LRRC7: variants seen among roughly 807,000 people sequenced by gnomAD.
LRRC7 encodes leucine-rich repeat-containing protein 7.
LRRC7 carries 23 observed loss-of-function variants against 175.7 expected under a neutral mutation model. The observed-to-expected ratio is 0.13, with a 90% CI of 0.09 to 0.19. The LOEUF (loss-of-function observed/expected upper bound fraction) is 0.19. Among genes scored for constraint, LRRC7 ranks in the 10% least tolerant of loss-of-function variants. The pLI is 1.00. For missense variants in LRRC7, 1,354 were observed against 1,904.7 expected, an observed-to-expected ratio of 0.71 and a Z score of 5.38; for synonymous variants, 685 against 680.9, an observed-to-expected ratio of 1.01 and a Z score of -0.09.
intron 24 of LRRC7, among the ~76,000 whole-genome samples, chr1:70,081,275 T>A (rs1273041760): frequency 6.6e-6 from 1 of 152,232 alleles, no homozygotes; most frequent in Non-Finnish European, 1.5e-5. Context: ...TGTTGGATAT[T>A]TTTAAAAGAA....
intron 4 of LRRC7, among the ~76,000 whole-genome samples, chr1:69,815,214 C>T: frequency 6.6e-6 from 1 of 152,076 alleles, no homozygotes; most frequent in East Asian, 1.9e-4. Flanking sequence ...GGTTACATTT[C>T]TTCCTTAATA....
chr1:70,003,126 T>G (rs1296727246), intron 11 of LRRC7, among the ~76,000 whole-genome samples: 1 of 152,158 alleles, frequency 6.6e-6, no homozygotes, highest in Non-Finnish European at 1.5e-5. Context: ...ACCACCATGT[T>G]GCTGTGAGTT....
At chr1:70,039,958 T>C (rs1211943215) in intron 21 of LRRC7, among the ~76,000 whole-genome samples, 165 bp downstream of exon 21, 1 of 152,230 alleles carries the variant, frequency 6.6e-6, no homozygotes, top group Non-Finnish European at 1.5e-5. Flanking sequence ...TAGTTTTTCA[T>C]GGATGTGGCT....
chr1:70,094,283 A>G (rs139479365), intron 25 of LRRC7, among the ~76,000 whole-genome samples: 141 of 152,292 alleles, frequency 9.3e-4, no homozygotes, highest in African/African-American at 3.3e-3. Flanking sequence ...TGTGGAGAAT[A>G]GTCATAAGTG....
At position 69,569,584 on chromosome 1, in the gene LRRC7, T is replaced by C. The variant is rs560548855; in HGVS notation, c.2+943T>C. 7.3e-3 allele frequency among the ~76,000 whole-genome samples: 1,077 copies of C among 147,702 alleles called. 12 individuals carry two copies. Among genetic ancestry groups the C allele is most frequent in the African/African-American group, 0.026 (1,035 of 39,994 alleles). On this transcript the variant is annotated intron_variant, in intron 1 of 26. Transcript: ENST00000651989. ...ATCTTACTGTTTGCAGAGTCAAGAA[T>C]GGGGGCGGGGGTTGGGGGACTGTAT...
intron 1 of LRRC7, among the ~76,000 whole-genome samples, chr1:69,656,170 G>A (rs1051855034): frequency 6.6e-6 from 1 of 151,892 alleles, no homozygotes; most frequent in Non-Finnish European, 1.5e-5. Flanking sequence ...AAAATAGTAA[G>A]AATTTTAAGC....
intron 4 of LRRC7, among the ~76,000 whole-genome samples, chr1:69,811,696 C>T (rs530799762): frequency 6.6e-6 from 1 of 152,074 alleles, no homozygotes; most frequent in African/African-American, 2.4e-5. Context: ...CGCATATTCT[C>T]ACTCATAAGT....
chr1:69,987,752 G>A (rs966423981), intron 10 of LRRC7, among the ~76,000 whole-genome samples: 35 of 152,128 alleles, frequency 2.3e-4, no homozygotes, highest in African/African-American at 7.5e-4. Flanking sequence ...ATTCTTTGAG[G>A]CTGATAAAGA....
intron 1 of LRRC7, among the ~76,000 whole-genome samples, chr1:69,661,239 A>G (rs1428528340): frequency 6.6e-6 from 1 of 152,160 alleles, no homozygotes; most frequent in Non-Finnish European, 1.5e-5. Context: ...TCAAGCTGCT[A>G]GTATATTCAC....
Position 70,124,853 on chromosome 1 carries a change from T to C in LRRC7, c.*2966T>C, listed in dbSNP as rs1464114888. Among the ~76,000 whole-genome samples the C allele has an allele frequency of 6.6e-6, 1 of 152,190 alleles. No individual in the cohort carries two copies. Among genetic ancestry groups the C allele is most frequent in the Non-Finnish European group, 1.5e-5 (1 of 68,020 alleles). ...TTGGTCTTTAATTTTTATTGGACTG[T>C]TTCTGAGGAAGGTGTTTATATGTGA... On this transcript the variant is annotated 3_prime_UTR_variant, in exon 27 of 27. Coordinates refer to ENST00000651989, the MANE Select transcript of LRRC7 (RefSeq NM_001370785.2).
At chr1:69,849,507 C>T (rs746565661) in intron 7 of LRRC7, among the ~76,000 whole-genome samples, 18 of 151,930 alleles carry the variant, frequency 1.2e-4, no homozygotes, top group Non-Finnish European at 2.2e-4. Flanking sequence ...TAAATTATTA[C>T]TTCCATCTAT....
At chr1:70,051,659 T>C (rs2102060134) in intron 22 of LRRC7, among the ~76,000 whole-genome samples, 1 of 150,784 alleles carries the variant, frequency 6.6e-6, no homozygotes, top group East Asian at 1.9e-4. Flanking sequence ...TTTTTTCTCT[T>C]TTTTTTTTCA....
rs146369130 is a variant in LRRC7, at chr1:69,995,310, A to G, written c.1004+677A>G. ...AATCCGTGTAAAGTGAGAAATCAGT[A>G]GAGGCTGTCTTCATTCTGAAATTAT... On this transcript the variant is annotated intron_variant, in intron 11 of 26. Transcript: ENST00000651989. Among the ~76,000 whole-genome samples the G allele has an allele frequency of 1.8e-4, 28 of 152,306 alleles. No individual in the cohort carries two copies. In the East Asian group the frequency reaches 5.2e-3, roughly 28 times the overall value.
intron 25 of LRRC7, among the ~76,000 whole-genome samples, chr1:70,099,446 A>G (rs923175896): frequency 2.0e-5 from 3 of 148,152 alleles, no homozygotes; most frequent in African/African-American, 7.5e-5. Flanking sequence ...ACTCCTATTC[A>G]ACATAGTGTT....
chr1:69,918,798 G>A (rs1387722035), intron 7 of LRRC7, among the ~76,000 whole-genome samples: 3 of 152,096 alleles, frequency 2.0e-5, no homozygotes. Context: ...AATAAAATGA[G>A]ATAAAATTAA....
intron 7 of LRRC7, among the ~76,000 whole-genome samples, chr1:69,893,818 AC>A (rs1645904202): frequency 8.1e-6 from 1 of 123,432 alleles, no homozygotes; most frequent in Admixed American, 8.8e-5. Context: ...TGAAAACCAA[AC>A]TTTTTTTTTT....
intron 23 of LRRC7, among the ~76,000 whole-genome samples, chr1:70,069,379 G>A (rs531132247): frequency 3.9e-5 from 6 of 152,250 alleles, no homozygotes; most frequent in South Asian, 2.1e-4. Flanking sequence ...TGAGAACAGC[G>A]TAGGAGAAAC....
In LRRC7 at chr1:70,124,025, G is replaced by A. The variant is rs1440297815; in HGVS notation, c.*2138G>A. Among the ~76,000 whole-genome samples, 3 of 152,138 alleles carry A rather than the reference G, an allele frequency of 2.0e-5. No individual in the cohort carries two copies. Among genetic ancestry groups the A allele is most frequent in the Non-Finnish European group, 4.4e-5 (3 of 68,026 alleles). On this transcript the variant is annotated 3_prime_UTR_variant, in exon 27 of 27. Coordinates refer to ENST00000651989, the MANE Select transcript of LRRC7 (RefSeq NM_001370785.2). ...TCCTTCTAAGACACACAGCTGAAAG[G>A]ATCATAATCCTAGTAAACACCTCTG...
Position 70,125,251 on chromosome 1 carries a change from G to A in LRRC7, c.*3364G>A, listed in dbSNP as rs542505659. ...TTAGGTTGCTGAAAAAGTAATTGCG[G>A]TTTTTACCATTAAAAGTGCAGGCAA... On this transcript the variant is annotated 3_prime_UTR_variant, in exon 27 of 27. Transcript: ENST00000651989. Among the ~76,000 whole-genome samples the A allele has an allele frequency of 6.6e-6, 1 of 152,114 alleles. No homozygotes were observed. Among genetic ancestry groups the A allele is most frequent in the African/African-American group, 2.4e-5 (1 of 41,420 alleles).
Sources: allele counts gnomAD v4.1 joint callset (sites outside exome capture counted in the v4.1 genomes callset), GRCh38; gene constraint gnomAD v4.1.1; transcripts MANE v1.5; gene names NCBI Gene and HGNC (gene_info 2026-07-23, HGNC 2026-07-21).